The following TRAPPC9 variants were observed in gnomAD, a reference collection of about 807,000 sequenced individuals.
TRAPPC9 encodes trafficking protein particle complex subunit 9, also known as IKK2 binding protein.
In TRAPPC9, 83 loss-of-function variants were observed where a neutral mutation model predicts 124.0. The observed-to-expected ratio is 0.67, with a 90% CI of 0.56 to 0.80. The LOEUF is 0.80. TRAPPC9 is among the 30% of genes least tolerant of loss of function. The pLI, the probability that TRAPPC9 is intolerant of heterozygous loss-of-function variation, is 0.00. For synonymous variants in TRAPPC9, 638 were observed against 617.5 expected (o/e 1.03, Z -0.49); for missense variants, 1,302 against 1,508.3 (o/e 0.86, Z 2.27).
chr8:139,881,050 CTG>C (rs1450014598), intron 21 of TRAPPC9: 4 of 152,262 alleles, frequency 2.6e-5, no homozygotes, highest in African/African-American at 9.6e-5. Context: ...CAACATGCCT[CTG>C]TGCCCACAAC....
At chr8:140,340,308 G>A (rs1056201905) in intron 9 of TRAPPC9, among the ~76,000 whole-genome samples, 15 of 152,206 alleles carry the variant, frequency 9.9e-5, no homozygotes, top group African/African-American at 3.6e-4. Context: ...ACTTTAGCTC[G>A]TTACTCTGTT....
At chr8:140,273,818 G>T (rs1236158001) in intron 15 of TRAPPC9, among the ~76,000 whole-genome samples, 1 of 152,204 alleles carries the variant, frequency 6.6e-6, no homozygotes, top group Non-Finnish European at 1.5e-5. Context: ...GTTACGGGGG[G>T]TTGAAATGAT....
chr8:140,103,296 T>C (rs2060612537), intron 17 of TRAPPC9, among the ~76,000 whole-genome samples: 2 of 152,208 alleles, frequency 1.3e-5, no homozygotes, highest in South Asian at 2.1e-4. Context: ...TGTGCCTCAG[T>C]TTCCTCATCT....
intron 10 of TRAPPC9, among the ~76,000 whole-genome samples, chr8:140,301,692 C>T (rs991606439): frequency 3.3e-5 from 5 of 152,208 alleles, no homozygotes; most frequent in Admixed American, 2.6e-4. Flanking sequence ...CCCCACCCCC[C>T]GCCTCCCGGC....
intron 16 of TRAPPC9, among the ~76,000 whole-genome samples, chr8:140,243,310 G>C (rs1188424391): frequency 6.6e-6 from 1 of 152,234 alleles, no homozygotes; most frequent in East Asian, 1.9e-4. Flanking sequence ...CAACGAAACA[G>C]ATGGGAAAAA....
At chr8:140,356,830 G>A (rs1334353389) in intron 9 of TRAPPC9, among the ~76,000 whole-genome samples, 4 of 151,920 alleles carry the variant, frequency 2.6e-5, no homozygotes, top group South Asian at 2.1e-4. Context: ...GGCTAGTGTC[G>A]AACTCCTGAC....
chr8:139,752,177 T>TCCGCCATCCATCCACCATCTAC (rs1289685382), intron 21 of TRAPPC9, among the ~76,000 whole-genome samples: 1 of 145,150 alleles, frequency 6.9e-6, no homozygotes, highest in African/African-American at 2.6e-5. Context: ...CTACCATCTA[T>TCCGCCATCCATCCACCATCTAC]CCGCCATCCA....
At position 140,003,475 on chromosome 8, in the gene TRAPPC9, G is replaced by A. The variant is rs909287612; in HGVS notation, c.2700-14639C>T. Among the ~76,000 whole-genome samples, 85 of 151,864 alleles carry A rather than the reference G, an allele frequency of 5.6e-4. 2 individuals carry two copies. The highest frequency in any genetic ancestry group is 5.3e-3 in the Admixed American group (80 of 15,232). Reference sequence around the variant, plus strand: ...AAATTAACTGCATGTGGTGCCGTGCGCCTGTAGTCCCAGCTACTCAGGAGG... The same window carrying A: ...AAATTAACTGCATGTGGTGCCGTGCACCTGTAGTCCCAGCTACTCAGGAGG... On this transcript the variant is annotated intron_variant, in intron 18 of 22. Transcript: ENST00000438773.
rs1339820269 is a variant in TRAPPC9, at chr8:140,252,043, G to C, written c.2431+734C>G. 7.8e-6 allele frequency among the ~76,000 whole-genome samples: 1 copy of C among 128,204 alleles called. No individual in the cohort carries two copies. Among genetic ancestry groups the C allele is most frequent in the Non-Finnish European group, 1.6e-5 (1 of 60,844 alleles). The allele number at this position is 128,204 out of a possible 152,430, so 84.1% of individuals were successfully genotyped here. ...TTTATGAAATCTTTTTTTTTTTTTT[G>C]AGATGGAGTCTCACTGTGTTGCCCA... is the stretch of plus-strand genomic sequence containing the variant. On this transcript the variant is annotated intron_variant, in intron 16 of 22. Transcript: ENST00000438773. This position sits in a 1 kb window ranked among gnomAD's most constrained non-coding sequence, Gnocchi z 4.2.
chr8:139,758,173 C>T (rs1353500475), intron 21 of TRAPPC9, among the ~76,000 whole-genome samples: 1 of 152,232 alleles, frequency 6.6e-6, no homozygotes, highest in Non-Finnish European at 1.5e-5. Flanking sequence ...CAGTGTCACC[C>T]CTCAGGGCCG....
chr8:139,731,357 C>CAGTG, intron 22 of TRAPPC9, 129 bp from the exon 23 acceptor site: 1 of 1,061,408 alleles, frequency 9.4e-7, no homozygotes, highest in Non-Finnish European at 1.4e-6. Context: ...GGCCTGGCTC[C>CAGTG]AGTGCCCCCT....
intron 9 of TRAPPC9, among the ~76,000 whole-genome samples, chr8:140,349,668 G>A (rs1366119865): frequency 6.6e-6 from 1 of 152,172 alleles, no homozygotes; most frequent in Non-Finnish European, 1.5e-5. Context: ...GGGCATGAGC[G>A]CTTGTGCCAT....
chr8:140,033,123 C>T (rs990198927), intron 17 of TRAPPC9, among the ~76,000 whole-genome samples: 1 of 151,998 alleles, frequency 6.6e-6, no homozygotes, highest in Non-Finnish European at 1.5e-5. Flanking sequence ...GGAGATTACC[C>T]CTTGTACGAA....
At chr8:140,314,109 TTCC>T (rs920555441) in intron 9 of TRAPPC9, among the ~76,000 whole-genome samples, 5 of 152,244 alleles carry the variant, frequency 3.3e-5, no homozygotes, top group Admixed American at 2.0e-4. Context: ...GAAGGATTTT[TTCC>T]TCATCAATCA....
chr8:139,753,318 ACCATCCAC>A (rs147020594), intron 21 of TRAPPC9, among the ~76,000 whole-genome samples: 7,555 of 143,202 alleles, frequency 0.053, 226 homozygotes, highest in Middle Eastern at 0.13. Flanking sequence ...CCATCCATCC[ACCATCCAC>A]CCATCCACCC....
intron 21 of TRAPPC9, among the ~76,000 whole-genome samples, chr8:139,736,768 G>A (rs920595794): frequency 2.4e-4 from 37 of 152,174 alleles, no homozygotes; most frequent in South Asian, 4.1e-4. Flanking sequence ...TCGTGACCCC[G>A]TCAGCAGCAA....
chr8:140,152,355 CTTTTTTT>C (rs34124150), intron 17 of TRAPPC9, among the ~76,000 whole-genome samples: 1 of 93,856 alleles, frequency 1.1e-5, no homozygotes, highest in Admixed American at 1.3e-4. Flanking sequence ...ATATTGCCAT[CTTTTTTT>C]TTTTTTTTTT....
chr8:140,065,925 T>C (rs984563604), intron 17 of TRAPPC9, among the ~76,000 whole-genome samples: 1 of 152,230 alleles, frequency 6.6e-6, no homozygotes, highest in Non-Finnish European at 1.5e-5. Flanking sequence ...ACATGTATTC[T>C]TTAAAAAATG....
At chr8:139,820,033 A>G (rs1825150157) in intron 21 of TRAPPC9, among the ~76,000 whole-genome samples, 2 of 135,286 alleles carry the variant, frequency 1.5e-5, no homozygotes, top group Non-Finnish European at 3.2e-5. Flanking sequence ...AAAAAAAAAG[A>G]GAAAACTACC....
Sources: gnomAD v4.1 joint callset for allele counts (sites outside exome capture counted in the v4.1 genomes callset) on GRCh38, gnomAD v4.1.1 for gene constraint, Gnocchi (gnomAD v3.1) non-coding constraint, MANE v1.5 for transcripts, NCBI Gene and HGNC (gene_info 2026-07-23, HGNC 2026-07-21) for gene names.